SPMIP2: variants seen among roughly 807,000 people sequenced by gnomAD.
The protein encoded by SPMIP2 is sperm microtubule inner protein 2.
chr4:158,986,823 C>A, the SPMIP2 span, among the ~76,000 whole-genome samples: 2 of 150,196 alleles, frequency 1.3e-5, no homozygotes, highest in African/African-American at 2.4e-5. Flanking sequence ...GCAAAAGAAA[C>A]TACCATCAGA....
the SPMIP2 span, among the ~76,000 whole-genome samples, chr4:158,955,261 A>G: frequency 6.6e-6 from 1 of 152,216 alleles, no homozygotes; most frequent in Non-Finnish European, 1.5e-5. Flanking sequence ...TGCCTTGAAA[A>G]TTCTGTGAGC....
the SPMIP2 span, among the ~76,000 whole-genome samples, chr4:158,963,983 A>G: frequency 6.6e-6 from 1 of 152,062 alleles, no homozygotes; most frequent in African/African-American, 2.4e-5. Flanking sequence ...GTGAAACCCC[A>G]GCTCTACTAA....
At chr4:158,947,101 T>C in the SPMIP2 span, among the ~76,000 whole-genome samples, 16 of 152,192 alleles carry the variant, frequency 1.1e-4, no homozygotes, top group Non-Finnish European at 1.9e-4. Context: ...CAGTTTTTAC[T>C]GAACAGACCT....
the SPMIP2 span, among the ~76,000 whole-genome samples, chr4:159,063,474 C>T: frequency 1.3e-5 from 2 of 151,960 alleles, no homozygotes; most frequent in African/African-American, 2.4e-5. Flanking sequence ...CACTTGAACC[C>T]GGGAAGCAGA....
the SPMIP2 span, among the ~76,000 whole-genome samples, chr4:158,997,795 C>T: frequency 0.66 from 99,591 of 151,952 alleles, 32,768 homozygotes; most frequent in Middle Eastern, 0.73. Context: ...TGTGATTACA[C>T]GCATGGGCCT....
chr4:159,050,204 ATTTTTTTTT>A, the SPMIP2 span, among the ~76,000 whole-genome samples: 5 of 114,508 alleles, frequency 4.4e-5, no homozygotes, highest in African/African-American at 1.6e-4. Flanking sequence ...CCACCACTGT[ATTTTTTTTT>A]TTTTTTTTTT....
At chr4:158,921,514 C>T in the SPMIP2 span, among the ~76,000 whole-genome samples, 3 of 152,104 alleles carry the variant, frequency 2.0e-5, no homozygotes, top group African/African-American at 4.8e-5. Flanking sequence ...CGCTCTTTCT[C>T]CCTCCTATTG....
At chr4:158,997,075 C>T in the SPMIP2 span, among the ~76,000 whole-genome samples, 1 of 152,308 alleles carries the variant, frequency 6.6e-6, no homozygotes, top group South Asian at 2.1e-4. Flanking sequence ...CACACACAAA[C>T]ACACAGCTAC....
At chr4:159,081,709 G>GA in the SPMIP2 span, among the ~76,000 whole-genome samples, 3 of 150,096 alleles carry the variant, frequency 2.0e-5, no homozygotes, top group African/African-American at 4.9e-5. Context: ...AAGAGAGAGA[G>GA]AGAAAAAAAC....
the SPMIP2 span, among the ~76,000 whole-genome samples, chr4:158,957,285 C>G: frequency 6.6e-6 from 1 of 152,152 alleles, no homozygotes; most frequent in Non-Finnish European, 1.5e-5. Flanking sequence ...TCACAAGTTT[C>G]TACAAAATCT....
At chr4:158,957,778 T>C in the SPMIP2 span, among the ~76,000 whole-genome samples, 15 of 152,196 alleles carry the variant, frequency 9.9e-5, no homozygotes, top group Non-Finnish European at 1.6e-4. Context: ...TAAACACTTA[T>C]CTGACCCTCA....
At chr4:158,936,327 G>T in the SPMIP2 span, among the ~76,000 whole-genome samples, 6 of 152,196 alleles carry the variant, frequency 3.9e-5, 1 homozygote, top group Non-Finnish European at 8.8e-5. Flanking sequence ...TTCACATAGA[G>T]AAATAATGTG....
chr4:159,054,138 C>T, the SPMIP2 span, among the ~76,000 whole-genome samples: 9 of 152,176 alleles, frequency 5.9e-5, no homozygotes, highest in Admixed American at 3.9e-4. Flanking sequence ...CATGCCATTA[C>T]ACCTGGTTAA....
the SPMIP2 span, among the ~76,000 whole-genome samples, chr4:158,928,949 A>G: frequency 6.6e-6 from 1 of 152,190 alleles, no homozygotes; most frequent in Non-Finnish European, 1.5e-5. Flanking sequence ...ACGCATCAGA[A>G]CATCAGAAGG....
At chr4:158,987,126 GA>G in the SPMIP2 span, among the ~76,000 whole-genome samples, 133 of 101,936 alleles carry the variant, frequency 1.3e-3, 1 homozygote, top group African/African-American at 4.9e-3. Flanking sequence ...AAAAAGTCAG[GA>G]AACAACAGAT....
At chr4:158,948,840 G>A in the SPMIP2 span, among the ~76,000 whole-genome samples, 1 of 152,052 alleles carries the variant, frequency 6.6e-6, no homozygotes, top group South Asian at 2.1e-4. Context: ...CTGGGCTCAA[G>A]TAATTCAACT....
chr4:159,069,559 C>G, the SPMIP2 span, among the ~76,000 whole-genome samples: 1 of 150,382 alleles, frequency 6.6e-6, no homozygotes, highest in Non-Finnish European at 1.5e-5. Flanking sequence ...CTCAGCCTCC[C>G]AAATATTTGG....
chr4:159,030,759 G>A, the SPMIP2 span, among the ~76,000 whole-genome samples: 2 of 151,988 alleles, frequency 1.3e-5, no homozygotes, highest in African/African-American at 4.8e-5. Flanking sequence ...GGCCTCCCAG[G>A]TGCTGGGATC....
chr4:159,019,365 C>CA, the SPMIP2 span, among the ~76,000 whole-genome samples: 1 of 149,156 alleles, frequency 6.7e-6, no homozygotes, highest in East Asian at 2.0e-4. Flanking sequence ...CTCATAATTG[C>CA]ACAAGATTTC....
Sources: gnomAD v4.1 joint callset for allele counts (sites outside exome capture counted in the v4.1 genomes callset) on GRCh38, gnomAD v4.1.1 for gene constraint, MANE v1.5 for transcripts, NCBI Gene and HGNC (gene_info 2026-07-23, HGNC 2026-07-21) for gene names.